The following PRKCE variants were observed in gnomAD, a reference collection of about 807,000 sequenced individuals.
PRKCE encodes the protein protein kinase C epsilon type.
PRKCE carries 16 observed loss-of-function variants against 85.4 expected under a neutral mutation model. The ratio of observed to expected loss-of-function variants is 0.19; its 90% confidence interval spans 0.13 to 0.28. PRKCE has a LOEUF of 0.28. Ranked by LOEUF, PRKCE falls within the 10% of genes least tolerant of loss-of-function variation. PRKCE has a pLI of 1.00. For synonymous variants in PRKCE, 388 were observed against 371.5 expected (o/e 1.04, Z -0.51); for missense variants, 573 against 975.2 (o/e 0.59, Z 5.49).
intron 2 of PRKCE, among the ~76,000 whole-genome samples, chr2:45,865,819 T>TCTTCTTTTG (rs1220298313): frequency 1.4e-5 from 2 of 145,136 alleles, no homozygotes; most frequent in Non-Finnish European, 3.0e-5. Context: ...CTTCTTCTTT[T>TCTTCTTTTG]TTTTTTTTTT....
At chr2:46,182,566 C>A (rs895615538) in intron 14 of PRKCE, among the ~76,000 whole-genome samples, 1 of 152,184 alleles carries the variant, frequency 6.6e-6, no homozygotes, top group East Asian at 1.9e-4. Context: ...GTGTCCCCCC[C>A]TTCCCCCTTC....
At chr2:45,925,681 G>A (rs936752299) in intron 2 of PRKCE, among the ~76,000 whole-genome samples, 15 of 152,346 alleles carry the variant, frequency 9.8e-5, no homozygotes, top group Non-Finnish European at 1.8e-4. Context: ...GTGAACCCAA[G>A]GGAGAATTCT....
intron 11 of PRKCE, among the ~76,000 whole-genome samples, chr2:46,114,410 T>TTTTTC (rs1672561336): frequency 5.4e-5 from 1 of 18,506 alleles, no homozygotes; most frequent in Admixed American, 9.8e-4. Context: ...TCCAAGGCTT[T>TTTTTC]TTTTTTTTTT....
intron 10 of PRKCE, among the ~76,000 whole-genome samples, chr2:46,082,430 G>A (rs1028244496): frequency 2.0e-5 from 3 of 152,180 alleles, no homozygotes; most frequent in Non-Finnish European, 2.9e-5. Flanking sequence ...GCTTTGCCCC[G>A]AGACCTAGAG....
intron 14 of PRKCE, among the ~76,000 whole-genome samples, chr2:46,171,592 C>T (rs957336984): frequency 1.3e-5 from 2 of 152,190 alleles, no homozygotes; most frequent in African/African-American, 2.4e-5. Flanking sequence ...CACCTCTTGC[C>T]CAGCCTGCCT....
At chr2:46,127,487 A>G (rs1337873443) in intron 11 of PRKCE, among the ~76,000 whole-genome samples, 3 of 152,248 alleles carry the variant, frequency 2.0e-5, no homozygotes, top group Non-Finnish European at 4.4e-5. Flanking sequence ...CTCTTAGGGC[A>G]TAGAAGCCCA....
At chr2:45,731,896 T>C (rs1400544561) in intron 1 of PRKCE, among the ~76,000 whole-genome samples, 2 of 152,234 alleles carry the variant, frequency 1.3e-5, no homozygotes, top group African/African-American at 4.8e-5. Flanking sequence ...TGAACCAGTG[T>C]ACCTGGCCAA....
At chr2:45,788,209 G>A (rs968959334) in intron 1 of PRKCE, among the ~76,000 whole-genome samples, 1 of 152,132 alleles carries the variant, frequency 6.6e-6, no homozygotes, top group Admixed American at 6.5e-5. Flanking sequence ...ATAGCTAAAG[G>A]CGTATTCCTT....
intron 1 of PRKCE, among the ~76,000 whole-genome samples, chr2:45,784,346 C>T (rs748390998): frequency 2.6e-5 from 4 of 152,148 alleles, no homozygotes; most frequent in Non-Finnish European, 5.9e-5. Context: ...GGTGTGGAAC[C>T]GAACCTGCCA....
chr2:46,026,256 A>G (rs192918060), intron 10 of PRKCE, among the ~76,000 whole-genome samples: 213 of 152,308 alleles, frequency 1.4e-3, no homozygotes, highest in African/African-American at 4.9e-3. Flanking sequence ...GTTAGAGGGT[A>G]TAAAAGCTAT....
intron 4 of PRKCE, among the ~76,000 whole-genome samples, 192 bp downstream of exon 4, chr2:45,979,202 C>A (rs1359885284): frequency 6.6e-6 from 1 of 152,222 alleles, no homozygotes; most frequent in Admixed American, 6.5e-5. Context: ...CAGGTGCCAC[C>A]TGTCTCCAGG....
intron 10 of PRKCE, among the ~76,000 whole-genome samples, chr2:46,045,411 T>C (rs1161712110): frequency 6.6e-6 from 1 of 152,252 alleles, no homozygotes; most frequent in African/African-American, 2.4e-5. Flanking sequence ...CCTGACTTAT[T>C]TATCCCTCAG....
At chr2:45,874,879 A>G (rs904053410) in intron 2 of PRKCE, among the ~76,000 whole-genome samples, 6 of 151,980 alleles carry the variant, frequency 3.9e-5, no homozygotes, top group African/African-American at 7.3e-5. Context: ...CTACTTGCCT[A>G]GTTCTGGCCT....
intron 1 of PRKCE, among the ~76,000 whole-genome samples, chr2:45,841,335 G>A (rs1322397984): frequency 6.6e-6 from 1 of 152,198 alleles, no homozygotes; most frequent in African/African-American, 2.4e-5. Context: ...AGCCGACAGG[G>A]CAGCCTTCAG....
chr2:46,129,347 G>A (rs2104394279), intron 11 of PRKCE, among the ~76,000 whole-genome samples: 1 of 152,302 alleles, frequency 6.6e-6, no homozygotes, highest in South Asian at 2.1e-4. Context: ...CTGTTGATGA[G>A]TGGAAAAGAA....
At chr2:45,799,165 CAAA>C (rs60365471) in intron 1 of PRKCE, among the ~76,000 whole-genome samples, 1 of 119,688 alleles carries the variant, frequency 8.4e-6, no homozygotes, top group Admixed American at 8.7e-5. Context: ...GACTCCGTTT[CAAA>C]AAAAAAAAAA....
rs138904978 is a variant in PRKCE, at chr2:46,037,047, T to C, written c.1437+26530T>C. Among the ~76,000 whole-genome samples the C allele has an allele frequency of 4.6e-3, 707 of 152,320 alleles. 3 individuals carry two copies. The highest frequency in any genetic ancestry group is 0.016 in the African/African-American group (684 of 41,578). On this transcript the variant is annotated intron_variant, in intron 10 of 14. Coordinates refer to ENST00000306156, the MANE Select transcript of PRKCE (RefSeq NM_005400.3). Reference sequence around the variant, plus strand: ...TCCTCCTCGCCTGCCTTCCCACAGCTGGCGTCCAGGACACTTGGGTTCAGC... The same window carrying C: ...TCCTCCTCGCCTGCCTTCCCACAGCCGGCGTCCAGGACACTTGGGTTCAGC...
intron 1 of PRKCE, among the ~76,000 whole-genome samples, chr2:45,726,692 C>T (rs1573084271): frequency 6.6e-6 from 1 of 152,246 alleles, no homozygotes; most frequent in East Asian, 1.9e-4. Context: ...TATACCTGTA[C>T]TTTTGATTCT....
intron 6 of PRKCE, among the ~76,000 whole-genome samples, chr2:45,991,689 A>T (rs550459494): frequency 6.6e-6 from 1 of 152,234 alleles, no homozygotes; most frequent in Non-Finnish European, 1.5e-5. Context: ...GTGAATAATT[A>T]TGAAAGAAAG....
Sources: gnomAD v4.1 joint callset for allele counts (sites outside exome capture counted in the v4.1 genomes callset) on GRCh38, gnomAD v4.1.1 for gene constraint, MANE v1.5 for transcripts, NCBI Gene and HGNC (gene_info 2026-07-23, HGNC 2026-07-21) for gene names.